Variants in FAR2 observed in about 807,000 individuals in gnomAD.
FAR2 encodes epididymis secretory protein Li 81.
Under a neutral mutation model 56.0 loss-of-function variants are expected in FAR2, and 19 were observed. That is an observed-to-expected ratio of 0.34 (90% CI 0.24 to 0.50). The LOEUF is 0.50. FAR2 is among the 20% of genes least tolerant of loss of function. The pLI is 0.98. For synonymous variants in FAR2, 219 were observed against 218.8 expected (o/e 1.00, Z -0.01); for missense variants, 508 against 642.2 (o/e 0.79, Z 2.26).
chr12:29,213,613 C>G (rs1275143046), intron 1 of FAR2, among the ~76,000 whole-genome samples: 3 of 150,466 alleles, frequency 2.0e-5, no homozygotes, highest in Admixed American at 1.3e-4. Flanking sequence ...TCGCTTGAAT[C>G]CGGGAGACGG....
intron 4 of FAR2, among the ~76,000 whole-genome samples, chr12:29,306,735 A>C (rs1949258904): frequency 6.6e-6 from 1 of 152,194 alleles, no homozygotes. Context: ...GTTCTGACAT[A>C]TTTTTAAGAA....
At chr12:29,254,132 G>A (rs1383295909) in intron 1 of FAR2, among the ~76,000 whole-genome samples, 2 of 152,268 alleles carry the variant, frequency 1.3e-5, no homozygotes, top group Middle Eastern at 6.8e-3. Flanking sequence ...ATTAGTGAGG[G>A]CTGTTCCCAA....
intron 1 of FAR2, among the ~76,000 whole-genome samples, chr12:29,268,219 C>T (rs1459969838): frequency 6.6e-6 from 1 of 152,110 alleles, no homozygotes; most frequent in African/African-American, 2.4e-5. Flanking sequence ...GATGTCAGGG[C>T]CAGTCCCTGG....
chr12:29,307,894 A>G (rs1481269691), intron 5 of FAR2, 59 bp downstream of exon 5: 1 of 1,510,816 alleles, frequency 6.6e-7, no homozygotes, highest in East Asian at 2.3e-5. Context: ...TTCTAGTCCA[A>G]TTACTTTCTG....
intron 1 of FAR2, among the ~76,000 whole-genome samples, chr12:29,220,217 G>A (rs1947670117): frequency 6.6e-6 from 1 of 152,106 alleles, no homozygotes; most frequent in South Asian, 2.1e-4. Context: ...CCTCCATGCA[G>A]ACCCTTTCTT....
chr12:29,207,920 G>A (rs1947494859), intron 1 of FAR2, among the ~76,000 whole-genome samples: 1 of 152,116 alleles, frequency 6.6e-6, no homozygotes, highest in African/African-American at 2.4e-5. Context: ...GACTTATTTA[G>A]GCCAGGCATG....
intron 1 of FAR2, among the ~76,000 whole-genome samples, chr12:29,198,716 T>C (rs1947366685): frequency 1.3e-5 from 2 of 152,212 alleles, no homozygotes; most frequent in East Asian, 3.8e-4. Context: ...CAATCAACTC[T>C]ATATTTCTAC....
chr12:29,185,388 T>C (rs1950031997), intron 1 of FAR2, among the ~76,000 whole-genome samples: 1 of 152,216 alleles, frequency 6.6e-6, no homozygotes, highest in Non-Finnish European at 1.5e-5. Flanking sequence ...CCATCAGAGC[T>C]TATGATCCTG....
intron 1 of FAR2, among the ~76,000 whole-genome samples, chr12:29,169,736 G>A (rs1202601188): frequency 6.6e-6 from 1 of 152,194 alleles, no homozygotes; most frequent in Non-Finnish European, 1.5e-5. Flanking sequence ...GGATTGTAGA[G>A]TAAGGATAGA....
At chr12:29,271,542 C>T (rs917518106) in intron 2 of FAR2, among the ~76,000 whole-genome samples, 1 of 152,210 alleles carries the variant, frequency 6.6e-6, no homozygotes, top group South Asian at 2.1e-4. Flanking sequence ...AATCTCCTTT[C>T]CAGTGTGTAG....
chr12:29,174,745 A>G (rs1949920795), intron 1 of FAR2, among the ~76,000 whole-genome samples: 1 of 152,150 alleles, frequency 6.6e-6, no homozygotes, highest in South Asian at 2.1e-4. Flanking sequence ...AAGTGGAACT[A>G]GCCTCGGAGA....
Position 29,326,060 on chromosome 12 carries a change from C to T in FAR2, c.1257+4136C>T, listed in dbSNP as rs1181333203. Among the ~76,000 whole-genome samples the T allele has an allele frequency of 3.6e-4, 54 of 151,492 alleles. No homozygotes were observed. In the East Asian group the frequency reaches 7.2e-3, roughly 20 times the overall value. ...ATCAAATAGACGCAATAAAAAATGA[C>T]AAAGGGGATATCACCACCGATCCCA... On this transcript the variant is annotated intron_variant, in intron 10 of 11. Coordinates refer to ENST00000536681, the MANE Select transcript of FAR2 (RefSeq NM_001271783.2).
At chr12:29,197,661 T>G (rs950218866) in intron 1 of FAR2, among the ~76,000 whole-genome samples, 3 of 152,210 alleles carry the variant, frequency 2.0e-5, no homozygotes, top group Non-Finnish European at 4.4e-5. Flanking sequence ...ACAAAAAGTT[T>G]AATTAATATA....
intron 2 of FAR2, among the ~76,000 whole-genome samples, chr12:29,290,935 C>A (rs879748388): frequency 1.3e-5 from 2 of 152,022 alleles, no homozygotes. Flanking sequence ...TATTTGATAG[C>A]ACAATAGGGT....
intron 1 of FAR2, among the ~76,000 whole-genome samples, chr12:29,200,151 C>A (rs375086356): frequency 7.2e-5 from 11 of 152,246 alleles, no homozygotes; most frequent in African/African-American, 2.6e-4. Context: ...GACTTCTAGG[C>A]CATATGGTGC....
chr12:29,255,303 C>T (rs2136683570), intron 1 of FAR2, among the ~76,000 whole-genome samples: 1 of 152,294 alleles, frequency 6.6e-6, no homozygotes, highest in South Asian at 2.1e-4. Flanking sequence ...TCTGGTGTCC[C>T]TCCCTCTGCT....
At chr12:29,292,529 ATGAT>A (rs1364747797) in intron 2 of FAR2, among the ~76,000 whole-genome samples, 1 of 152,236 alleles carries the variant, frequency 6.6e-6, no homozygotes, top group East Asian at 1.9e-4. Flanking sequence ...TAGCATGCTT[ATGAT>A]TGATTAATAT....
intron 1 of FAR2, among the ~76,000 whole-genome samples, chr12:29,202,561 T>C (rs1362971857): frequency 1.3e-5 from 2 of 152,168 alleles, no homozygotes; most frequent in African/African-American, 4.8e-5. Context: ...CATGGTAAAA[T>C]GTAATCCCCA....
intron 1 of FAR2, among the ~76,000 whole-genome samples, chr12:29,261,673 G>T (rs1032465456): frequency 6.6e-6 from 1 of 152,100 alleles, no homozygotes; most frequent in African/African-American, 2.4e-5. Flanking sequence ...AGCAGCAAGA[G>T]AAAAGAAACA....
Sources: gnomAD v4.1 joint callset for allele counts (sites outside exome capture counted in the v4.1 genomes callset) on GRCh38, gnomAD v4.1.1 for gene constraint, MANE v1.5 for transcripts, NCBI Gene and HGNC (gene_info 2026-07-23, HGNC 2026-07-21) for gene names.